ELP4: variants seen among roughly 807,000 people sequenced by gnomAD.
ELP4 encodes elongator complex protein 4.
Under a neutral mutation model 48.9 loss-of-function variants are expected in ELP4, and 51 were observed. The observed-to-expected ratio is 1.04, with a 90% CI of 0.83 to 1.32. ELP4 has a LOEUF of 1.32. ELP4 is among the 40% of genes most tolerant of loss of function. The pLI is 0.00. For missense variants in ELP4, 519 were observed against 514.6 expected (o/e 1.01, Z -0.08); for synonymous variants, 210 against 189.2 (o/e 1.11, Z -0.90).
intron 2 of ELP4, among the ~76,000 whole-genome samples, chr11:31,527,282 C>G (rs563742391): frequency 1.3e-5 from 2 of 152,020 alleles, no homozygotes; most frequent in African/African-American, 4.8e-5. Flanking sequence ...TGAAAGGTCT[C>G]AGTCCCTGCC....
intron 1 of ELP4, chr11:31,511,836 C>T (rs1195666665): frequency 6.6e-6 from 1 of 152,124 alleles, no homozygotes; most frequent in Middle Eastern, 3.4e-3. Flanking sequence ...TTAAAGTTTC[C>T]GTATTTGCTT....
In ELP4 at chr11:31,542,307, A is replaced by G. The variant is rs560895491; in HGVS notation, c.381+2524A>G. Among the ~76,000 whole-genome samples the G allele has an allele frequency of 3.9e-5, 6 of 152,300 alleles. No individual in the cohort carries two copies. The South Asian group carries it at 6.2e-4, about 16-fold the overall frequency. Reference sequence around the variant, plus strand: ...ATCACAAGGAGGTCAAGGAAATTCTATTTATAAATCAGAGTACCTGAAAGG... The same window carrying G: ...ATCACAAGGAGGTCAAGGAAATTCTGTTTATAAATCAGAGTACCTGAAAGG... On this transcript the variant is annotated intron_variant, in intron 3 of 9. Coordinates refer to ENST00000640961, the MANE Select transcript of ELP4 (RefSeq NM_019040.5).
chr11:31,536,885 C>T (rs192885473), intron 2 of ELP4, among the ~76,000 whole-genome samples: 2 of 152,150 alleles, frequency 1.3e-5, no homozygotes, highest in Non-Finnish European at 2.9e-5. Flanking sequence ...GATACCAGTC[C>T]TCTACTATGT....
At chr11:31,771,063 T>A (rs1948132018) in intron 9 of ELP4, among the ~76,000 whole-genome samples, 1 of 152,162 alleles carries the variant, frequency 6.6e-6, no homozygotes, top group Non-Finnish European at 1.5e-5. Flanking sequence ...TTAAAAGAAT[T>A]AAACTCAGCA....
At chr11:31,744,755 T>A (rs1404169555) in intron 9 of ELP4, among the ~76,000 whole-genome samples, 1 of 152,036 alleles carries the variant, frequency 6.6e-6, no homozygotes, top group African/African-American at 2.4e-5. Context: ...TAATAAGAGC[T>A]ATCTATGACA....
In ELP4 at chr11:31,789,800, G is replaced by A; in HGVS notation, c.*6276G>A. 1.2e-6 allele frequency: 1 copy of A among 806,136 alleles called. No homozygotes were observed. The highest frequency in any genetic ancestry group is 2.1e-6 in the Non-Finnish European group (1 of 470,156). 49.9% of individuals were successfully genotyped at this position (806,136 alleles called of 1,614,324 possible). On this transcript the variant is annotated 3_prime_UTR_variant, in exon 10 of 10. Transcript: ENST00000640961. Reference sequence around the variant, plus strand: ...ATTCCTTCCCCAGTGGTACAATACAGGACACAATTGTAGAACTGAAGCGGC... The same window carrying A: ...ATTCCTTCCCCAGTGGTACAATACAAGACACAATTGTAGAACTGAAGCGGC...
At chr11:31,557,038 C>G (rs1314902804) in intron 3 of ELP4, among the ~76,000 whole-genome samples, 3 of 151,650 alleles carry the variant, frequency 2.0e-5, no homozygotes, top group East Asian at 1.9e-4. Flanking sequence ...TTGAAATAAA[C>G]CAGAAGTCTG....
chr11:31,550,999 G>A (rs555192567), intron 3 of ELP4, among the ~76,000 whole-genome samples: 6 of 152,180 alleles, frequency 3.9e-5, no homozygotes, highest in Admixed American at 6.5e-5. Flanking sequence ...GTGTTTCATT[G>A]CCTGTCATAA....
At chr11:31,734,348 G>A (rs1285529421) in intron 9 of ELP4, among the ~76,000 whole-genome samples, 2 of 152,162 alleles carry the variant, frequency 1.3e-5, no homozygotes, top group African/African-American at 4.8e-5. Flanking sequence ...ACGTAGTACT[G>A]GAAGCCCTAG....
rs1370404329 is a variant in ELP4 at position 31,695,837 on chromosome 11, A to G, written c.1143+45616A>G. Among the ~76,000 whole-genome samples, 9 of 141,926 alleles carry G rather than the reference A, an allele frequency of 6.3e-5. No homozygotes were observed. The East Asian group carries it at 1.1e-3, about 17-fold the overall frequency. 93.1% of individuals were successfully genotyped at this position (141,926 alleles called of 152,430 possible). A position where few individuals can be genotyped will look rare whatever the true frequency, so the allele number is the denominator to read the frequency against. On this transcript the variant is annotated intron_variant, in intron 9 of 9. Coordinates refer to ENST00000640961, the MANE Select transcript of ELP4 (RefSeq NM_019040.5). ...TGGTAAGCTATTGATTATTGCCTCA[A>G]TTTCAGAGCCTGTTATTTGTCTATT...
chr11:31,553,049 G>A (rs577712970), intron 3 of ELP4, among the ~76,000 whole-genome samples: 49 of 152,166 alleles, frequency 3.2e-4, no homozygotes, highest in Non-Finnish European at 3.8e-4. Context: ...ATGTTACAAC[G>A]TCCTACTCCC....
At chr11:31,732,170 ATAG>A (rs1371194366) in intron 9 of ELP4, among the ~76,000 whole-genome samples, 7 of 152,354 alleles carry the variant, frequency 4.6e-5, no homozygotes, top group African/African-American at 1.4e-4. Context: ...TAACACTGTA[ATAG>A]TAGTATATAA....
At chr11:31,696,996 G>T (rs1228129905) in intron 9 of ELP4, among the ~76,000 whole-genome samples, 2 of 151,966 alleles carry the variant, frequency 1.3e-5, no homozygotes, top group Non-Finnish European at 2.9e-5. Context: ...ACAAAAAAAG[G>T]CAGGGGTTGC....
chr11:31,605,982 G>A (rs1437732904), intron 5 of ELP4, among the ~76,000 whole-genome samples: 3 of 151,136 alleles, frequency 2.0e-5, no homozygotes, highest in Non-Finnish European at 4.4e-5. Context: ...GGCAGTAAAT[G>A]TACACCCACC....
chr11:31,552,589 C>G (rs1452873435), intron 3 of ELP4, among the ~76,000 whole-genome samples: 1 of 152,108 alleles, frequency 6.6e-6, no homozygotes, highest in Non-Finnish European at 1.5e-5. Context: ...ATCCTTAACC[C>G]TTTATCTCCT....
intron 2 of ELP4, among the ~76,000 whole-genome samples, chr11:31,534,982 C>T (rs1956475649): frequency 1.3e-5 from 2 of 152,190 alleles, no homozygotes; most frequent in Non-Finnish European, 2.9e-5. Flanking sequence ...GATCATCTCT[C>T]CCATAGTTGT....
At chr11:31,584,181 A>G (rs1012601185) in intron 3 of ELP4, among the ~76,000 whole-genome samples, 1 of 152,012 alleles carries the variant, frequency 6.6e-6, no homozygotes, top group Admixed American at 6.5e-5. Flanking sequence ...GCTAGATATA[A>G]GTTAATTAAA....
chr11:31,724,851 T>A (rs1318184621), intron 9 of ELP4, among the ~76,000 whole-genome samples: 1 of 152,256 alleles, frequency 6.6e-6, no homozygotes, highest in Non-Finnish European at 1.5e-5. Flanking sequence ...GGTCACTTGT[T>A]TATTAAAATT....
chr11:31,719,212 G>T lies in ELP4; in HGVS notation c.1144-64181G>T, dbSNP rs552383875. On this transcript the variant is annotated intron_variant, in intron 9 of 9. Transcript: ENST00000640961. ...GGTTGAGACTGCAGTGAGGCATGTT[G>T]CACCACTGCAATACTCCAGCCTGGG... Among the ~76,000 whole-genome samples the T allele has an allele frequency of 9.2e-5, 14 of 151,536 alleles. No individual in the cohort carries two copies. In the South Asian group the frequency reaches 2.9e-3, roughly 32 times the overall value.
Sources: gnomAD v4.1 joint callset for allele counts (sites outside exome capture counted in the v4.1 genomes callset) on GRCh38, gnomAD v4.1.1 for gene constraint, MANE v1.5 for transcripts, NCBI Gene and HGNC (gene_info 2026-07-23, HGNC 2026-07-21) for gene names.